Variants in MAP4 observed in about 807,000 individuals in gnomAD.
MAP4 encodes the protein microtubule associated protein 4.
A neutral mutation model predicts 170.2 loss-of-function variants in MAP4; 76 were observed. The ratio of observed to expected loss-of-function variants is 0.45; its 90% CI spans 0.37 to 0.54. MAP4 has a LOEUF of 0.54. Ranked by LOEUF, MAP4 falls within the 20% of genes least tolerant of loss-of-function variation. MAP4 has a pLI of 0.00. For synonymous variants in MAP4, 909 were observed against 994.5 expected (o/e 0.91, Z 1.62); for missense variants, 2,506 against 2,748.0 (o/e 0.91, Z 1.97).
In MAP4 at chr3:47,869,320, A is replaced by T; in HGVS notation, c.6302T>A (p.Val2101Glu). The T allele has an allele frequency of 1.2e-6, 2 of 1,611,346 alleles. No homozygotes were observed. Among genetic ancestry groups the T allele is most frequent in the Non-Finnish European group, 1.7e-6 (2 of 1,177,588 alleles). The change falls in exon 16 of 21, where the codon GTA becomes GAA. Residue 2101 changes from valine to glutamate, a missense_variant. Physicochemically the swap from Val to Glu is moderately radical, Grantham distance 121. Transcript: ENST00000683076. ...AGCAGCTGCCTCTGTTTTTTTCTCT[A>T]CTTTGGCCTGGATGGAGATAAAGGG... ...KHQPGGGRAKVEKKTEAAATT... is the reference protein window; with the variant it reads ...KHQPGGGRAKEEKKTEAAATT...
intron 2 of MAP4, 87 bp downstream of exon 2, chr3:47,998,551 C>T: frequency 9.4e-7 from 1 of 1,067,522 alleles, no homozygotes; most frequent in Non-Finnish European, 1.4e-6. Flanking sequence ...AAACTCAGCT[C>T]AATTCTCAGT....
intron 19 of MAP4, among the ~76,000 whole-genome samples, chr3:47,853,923 CTG>C (rs1169832777): frequency 6.6e-6 from 1 of 152,154 alleles, no homozygotes; most frequent in African/African-American, 2.4e-5. Context: ...CCCAGGGACA[CTG>C]TGGAGGCCTG....
At chr3:48,015,329 T>C (rs1474424432) in intron 1 of MAP4, among the ~76,000 whole-genome samples, 2 of 152,112 alleles carry the variant, frequency 1.3e-5, no homozygotes, top group Admixed American at 6.6e-5. Flanking sequence ...CATAAAGATA[T>C]CTGGGTTAAT....
At chr3:47,975,092 CTAAAAA>C in intron 3 of MAP4, 2 of 1,053,146 alleles carry the variant, frequency 1.9e-6, no homozygotes, top group Non-Finnish European at 2.3e-6. Flanking sequence ...AAAAGGTCAA[CTAAAAA>C]TATTTAAAGG....
In MAP4 at chr3:47,910,180, A is replaced by G. The variant is rs7610574; in HGVS notation, c.4241T>C (p.Ile1414Thr). The G allele has an allele frequency of 1.8e-3, 2,841 of 1,613,824 alleles. 41 individuals carry two copies. The African/African-American group carries it at 0.032, about 18-fold the overall frequency. The change falls in exon 9 of 21, where the codon ATT becomes ACT. Residue 1414 changes from isoleucine to threonine, a missense_variant. Coordinates refer to ENST00000683076, the MANE Select transcript of MAP4 (RefSeq NM_001385682.1). ...GMAYMDENRN[I>T]TFTCPRTPSE... Reference sequence around the variant, plus strand: ...TGGTGTTCTGGGACAGGTAAATGTAATATTTCTATTTTCGTCCATATAGGC... The same window carrying G: ...TGGTGTTCTGGGACAGGTAAATGTAGTATTTCTATTTTCGTCCATATAGGC...
chr3:47,883,756 T>C (rs922995103), intron 10 of MAP4, among the ~76,000 whole-genome samples: 1 of 152,196 alleles, frequency 6.6e-6, no homozygotes, highest in African/African-American at 2.4e-5. Context: ...ACAGTTCTTT[T>C]CTTTTGGCAC....
At chr3:47,933,978 T>C (rs1322964521) in intron 3 of MAP4, among the ~76,000 whole-genome samples, 2 of 152,210 alleles carry the variant, frequency 1.3e-5, no homozygotes, top group Non-Finnish European at 2.9e-5. Context: ...GGGTTAATTA[T>C]GTAGTTTAAT....
At position 47,912,178 on chromosome 3, in the gene MAP4, A is replaced by G; in HGVS notation, c.2243T>C (p.Leu748Pro). 1 of 1,536,128 alleles carries G rather than the reference A, an allele frequency of 6.5e-7. No individual in the cohort carries two copies. The highest frequency in any genetic ancestry group is 8.7e-7 in the Non-Finnish European group (1 of 1,146,896). The change falls in exon 9 of 21, where the codon CTT becomes CCT. Residue 748 changes from leucine (L) to proline (P), a missense_variant. Physicochemically the swap from Leu to Pro is moderately conservative, Grantham distance 98. Around this residue, in one of 3 missense-constraint regions of MAP4, gnomAD observed 2,008 missense variants for 2,206.0 expected, o/e 0.91. Coordinates refer to ENST00000683076, the MANE Select transcript of MAP4 (RefSeq NM_001385682.1). ...NQRKSIHVDSLEPQRDLGREA... is the reference protein window; with the variant it reads ...NQRKSIHVDSPEPQRDLGREA... ...CCTGCCAAGATCCCTCTGGGGTTCA[A>G]GTGAGTCAACATGAATACTTTTTCT...
intron 1 of MAP4, among the ~76,000 whole-genome samples, chr3:48,054,138 C>A (rs958750602): frequency 6.6e-6 from 1 of 151,856 alleles, no homozygotes; most frequent in Non-Finnish European, 1.5e-5. Context: ...CCCATCTCTA[C>A]TAAAAATACA....
At position 48,066,899 on chromosome 3, in the gene MAP4, G is replaced by A. The variant is rs1053596484; in HGVS notation, c.-20+21874C>T. Among the ~76,000 whole-genome samples the A allele has an allele frequency of 5.9e-5, 7 of 118,532 alleles. No homozygotes were observed. The South Asian group carries it at 8.3e-4, about 14-fold the overall frequency. 77.8% of individuals were successfully genotyped at this position (118,532 alleles called of 152,430 possible). ...TCTGTCGCCCAGGCTGGAGAGCAGT[G>A]GTACGATCTCGGCTCACTGCAAGCT... On this transcript the variant is annotated intron_variant, in intron 1 of 18. Coordinates refer to the MAP4 transcript ENST00000360240.
At chr3:48,043,525 C>T (rs902145655) in intron 1 of MAP4, among the ~76,000 whole-genome samples, 1 of 152,204 alleles carries the variant, frequency 6.6e-6, no homozygotes, top group Non-Finnish European at 1.5e-5. Context: ...ATTCTTAATA[C>T]TAGCTTTAAG....
upstream of MAP4, among the ~76,000 whole-genome samples, chr3:48,018,784 CAG>C (rs1422366714): frequency 2.6e-5 from 4 of 152,022 alleles, no homozygotes; most frequent in Non-Finnish European, 5.9e-5. Context: ...GCCTGGGTGA[CAG>C]AGTGAGACTC....
chr3:48,021,562 G>A (rs1356192660), intron 1 of MAP4, among the ~76,000 whole-genome samples: 1 of 152,170 alleles, frequency 6.6e-6, no homozygotes, highest in Non-Finnish European at 1.5e-5. Flanking sequence ...TGGCCAGGCT[G>A]TTCTCAAACT....
intron 3 of MAP4, among the ~76,000 whole-genome samples, chr3:47,929,439 A>ATTTGTATGTTT (rs2100048061): frequency 2.6e-5 from 4 of 152,270 alleles, no homozygotes; most frequent in African/African-American, 9.6e-5. Context: ...AGAAAGAAAC[A>ATTTGTATGTTT]TACAAAGTTA....
intron 3 of MAP4, among the ~76,000 whole-genome samples, chr3:47,969,309 G>A (rs1409153782): frequency 2.6e-5 from 4 of 152,062 alleles, no homozygotes; most frequent in Middle Eastern, 3.2e-3. Context: ...TCGGGAGGCT[G>A]AGGCAAGAGA....
chr3:47,862,059 G>A (rs2067269681), intron 17 of MAP4, among the ~76,000 whole-genome samples: 1 of 150,660 alleles, frequency 6.6e-6, no homozygotes, highest in Non-Finnish European at 1.5e-5. Flanking sequence ...TACTCAGGAG[G>A]CTGAGACAGG....
chr3:48,033,823 G>A (rs183777345), intron 1 of MAP4, among the ~76,000 whole-genome samples: 125 of 152,108 alleles, frequency 8.2e-4, no homozygotes, highest in Non-Finnish European at 1.6e-3. Flanking sequence ...GGCTGGTTTC[G>A]AACTCCTGAT....
At chr3:47,993,501 A>G (rs781012471) in intron 2 of MAP4, among the ~76,000 whole-genome samples, 4 of 152,210 alleles carry the variant, frequency 2.6e-5, no homozygotes, top group Non-Finnish European at 5.9e-5. Flanking sequence ...TTCAGTTTAT[A>G]CAATTTTGGC....
At chr3:47,906,873 T>G (rs1400372807) in intron 9 of MAP4, among the ~76,000 whole-genome samples, 2 of 151,394 alleles carry the variant, frequency 1.3e-5, no homozygotes, top group African/African-American at 4.8e-5. Context: ...TTCCCTCTTG[T>G]GGCCCAGGCT....
Sources: gnomAD v4.1 joint callset for allele counts (sites outside exome capture counted in the v4.1 genomes callset) on GRCh38, gnomAD v4.1.1 for gene constraint, gnomAD v4.1.1 regional missense constraint, MANE v1.5 for transcripts, NCBI Gene and HGNC (gene_info 2026-07-23, HGNC 2026-07-21) for gene names.